The following ZNF169 variants were observed in gnomAD, a reference collection of about 807,000 sequenced individuals.
ZNF169 encodes zinc finger protein 169.
ZNF169 carries 11 observed loss-of-function variants against 12.0 expected under a neutral mutation model. The ratio of observed to expected loss-of-function variants is 0.92; its 90% CI spans 0.58 to 1.52. ZNF169 has a LOEUF of 1.52. ZNF169 is among the 40% of genes most tolerant of loss of function. The probability of loss-of-function intolerance (pLI) is 0.00; values close to 1 mark genes in which losing one functional copy is unlikely to be tolerated. For synonymous variants in ZNF169, 302 were observed against 286.5 expected, an observed-to-expected ratio of 1.05 and a Z score of -0.55; for missense variants, 722 against 744.0, an observed-to-expected ratio of 0.97 and a Z score of 0.34.
At chr9:94,277,992 A>G (rs1003242796) in intron 1 of ZNF169, among the ~76,000 whole-genome samples, 2 of 152,070 alleles carry the variant, frequency 1.3e-5, no homozygotes, top group African/African-American at 2.4e-5. Flanking sequence ...ACCATTAACA[A>G]TAATTCTCAT....
Position 94,301,054 on chromosome 9 carries a change from C to G in ZNF169, c.1496C>G (p.Ser499Trp). 1 of 1,613,720 alleles carries G rather than the reference C, an allele frequency of 6.2e-7. No homozygotes were observed. The highest frequency in any genetic ancestry group is 8.5e-7 in the Non-Finnish European group (1 of 1,179,922). The change falls in exon 5 of 5, where the codon TCG becomes TGG. Residue 499 changes from serine to tryptophan, a missense_variant. Physicochemically the swap from Ser to Trp is radical, Grantham distance 177. Transcript: ENST00000395395. ...PKCGRAFGFKSLLTRHQRTHS... is the reference protein window; with the variant it reads ...PKCGRAFGFKWLLTRHQRTHS... The stretch of plus-strand genomic sequence containing the variant: ...TGTGGGCGTGCATTTGGCTTTAAGT[C>G]GCTCCTCACCCGACACCAGAGGACA...
chr9:94,299,077 A>G (rs564893585), intron 4 of ZNF169, among the ~76,000 whole-genome samples: 2 of 152,314 alleles, frequency 1.3e-5, no homozygotes, highest in South Asian at 2.1e-4. Flanking sequence ...TGGATTATTG[A>G]GCAAAACAGT....
chr9:94,295,262 A>C (rs1242980373), intron 4 of ZNF169: 21 of 152,208 alleles, frequency 1.4e-4, no homozygotes, highest in Admixed American at 1.4e-3. Context: ...TGGGAGGCGA[A>C]GGTTGCAATG....
chr9:94,259,834 T>C (rs1830167072), intron 1 of ZNF169, among the ~76,000 whole-genome samples: 1 of 152,178 alleles, frequency 6.6e-6, no homozygotes, highest in Non-Finnish European at 1.5e-5. Context: ...ACTTCCCCAT[T>C]AGTGGGAGGC....
intron 1 of ZNF169, among the ~76,000 whole-genome samples, chr9:94,272,426 GA>G (rs1830439421): frequency 6.6e-6 from 1 of 151,930 alleles, no homozygotes; most frequent in Non-Finnish European, 1.5e-5. Flanking sequence ...TTTACCTATT[GA>G]ATAGCAGCTC....
At chr9:94,288,649 T>G in intron 2 of ZNF169, 2 of 372,990 alleles carry the variant, frequency 5.4e-6, no homozygotes, top group Non-Finnish European at 1.0e-5. Context: ...TCCTGAGTTC[T>G]CACGAGATCT....
intron 1 of ZNF169, among the ~76,000 whole-genome samples, chr9:94,273,944 A>G (rs548514276): frequency 1.3e-5 from 2 of 152,212 alleles, no homozygotes; most frequent in Non-Finnish European, 2.9e-5. Context: ...TAGGGCTGCC[A>G]TAACAAAGTA....
intron 1 of ZNF169, among the ~76,000 whole-genome samples, chr9:94,277,498 G>A (rs561902826): frequency 6.6e-6 from 1 of 152,128 alleles, no homozygotes; most frequent in Non-Finnish European, 1.5e-5. Context: ...AATACATTTT[G>A]ATTTTCTTCC....
At chr9:94,298,131 T>C (rs934660349) in intron 4 of ZNF169, among the ~76,000 whole-genome samples, 11 of 150,264 alleles carry the variant, frequency 7.3e-5, no homozygotes, top group African/African-American at 2.2e-4. Context: ...AGTGCCACTG[T>C]ACTCCAGCCT....
intron 2 of ZNF169, among the ~76,000 whole-genome samples, chr9:94,291,891 G>T (rs1013115031): frequency 2.6e-4 from 39 of 152,208 alleles, no homozygotes; most frequent in African/African-American, 8.9e-4. Context: ...AAAGATGTAA[G>T]TTCTCACCAA....
chr9:94,301,214 C>T lies in ZNF169; in HGVS notation c.1656C>T (p.Gly552=). ...CICDECGRGF[G]FKSALIRHQR... ...GCGATGAATGTGGGCGCGGCTTTGG[C>T]TTTAAGTCTGCCCTCATCCGACATC... The change falls in exon 5 of 5, where the codon GGC becomes GGT. Residue 552 remains glycine, a synonymous_variant. Transcript: ENST00000395395. The T allele has an allele frequency of 6.2e-7, 1 of 1,614,054 alleles. No individual in the cohort carries two copies. The highest frequency in any genetic ancestry group is 8.5e-7 in the Non-Finnish European group (1 of 1,180,026).
Position 94,301,329 on chromosome 9 carries a change from A to C in ZNF169, c.1771A>C (p.Thr591Pro). ...QKSHLHRHRR[T>P]KSGHQLLPQE... ...GTCTCACTTGCATAGACACAGGAGG[A>C]CCAAGTCTGGTCATCAGCTCCTACC... Residue 591 changes from threonine (T) to proline (P), a missense_variant, in exon 5 of 5, where the codon ACC becomes CCC. Transcript: ENST00000395395. The C allele has an allele frequency of 3.1e-6, 5 of 1,614,078 alleles. No homozygotes were observed. Among genetic ancestry groups the C allele is most frequent in the Non-Finnish European group, 4.2e-6 (5 of 1,179,970 alleles).
chr9:94,273,078 T>G (rs1483899950), intron 1 of ZNF169, among the ~76,000 whole-genome samples: 1 of 152,194 alleles, frequency 6.6e-6, no homozygotes, highest in Non-Finnish European at 1.5e-5. Context: ...GAGTTTTTTG[T>G]TACTGAGTTG....
At chr9:94,284,415 A>T (rs2118614182) in intron 2 of ZNF169, among the ~76,000 whole-genome samples, 1 of 152,284 alleles carries the variant, frequency 6.6e-6, no homozygotes, top group Non-Finnish European at 1.5e-5. Flanking sequence ...ACAGAGTGAG[A>T]CTCCATCTCA....
In ZNF169 at chr9:94,300,183, T is replaced by G; in HGVS notation, c.625T>G (p.Ser209Ala). 1 of 1,614,090 alleles carries G rather than the reference T, an allele frequency of 6.2e-7. No individual in the cohort carries two copies. The highest frequency in any genetic ancestry group is 1.3e-5 in the African/African-American group (1 of 75,020). The change falls in exon 5 of 5, where the codon TCT (serine) becomes GCT (alanine). Residue 209 changes from serine to alanine, a missense_variant. Transcript: ENST00000395395. Reference sequence around the variant, plus strand: ...GTTGAAGGGAGCAGACACTTCAGAATCTGGAGCAGTCATACGTGGAAACTA... The same window carrying G: ...GTTGAAGGGAGCAGACACTTCAGAAGCTGGAGCAGTCATACGTGGAAACTA... ...TMLKGADTSE[S>A]GAVIRGNYRL...
intron 4 of ZNF169, chr9:94,295,859 A>C (rs544742553): frequency 1.3e-5 from 2 of 152,338 alleles, no homozygotes; most frequent in Admixed American, 1.3e-4. Flanking sequence ...TTTTGTGTGA[A>C]TATAATGCTT....
In ZNF169 at chr9:94,301,443, GAAAA is replaced by G; in HGVS notation, c.*81_*84del. On this transcript the variant is annotated 3_prime_UTR_variant, in exon 5 of 5. Transcript: ENST00000395395. Reference sequence around the variant, plus strand: ...TGCTTCAGTTTCCTGAAATGGAATGGAAAAAAAAAAATGTTGCTTTCTTTCATCG... The same window carrying G: ...TGCTTCAGTTTCCTGAAATGGAATGGAAAAAAATGTTGCTTTCTTTCATCG... 1 of 1,159,818 alleles carries G rather than the reference GAAAA, an allele frequency of 8.6e-7. No homozygotes were observed. The allele number at this position is 1,159,818 out of a possible 1,614,324, so 71.8% of individuals were successfully genotyped here.
intron 2 of ZNF169, among the ~76,000 whole-genome samples, chr9:94,286,363 A>G (rs181730486): frequency 2.0e-5 from 3 of 152,204 alleles, no homozygotes; most frequent in Admixed American, 2.0e-4. Context: ...GCGTATAACT[A>G]TATGATGAGG....
At chr9:94,277,704 G>A (rs566759650) in intron 1 of ZNF169, among the ~76,000 whole-genome samples, 4 of 152,088 alleles carry the variant, frequency 2.6e-5, no homozygotes, top group Admixed American at 1.3e-4. Flanking sequence ...GGCCGAGGCG[G>A]GCGGATCACG....
Sources: allele counts gnomAD v4.1 joint callset (sites outside exome capture counted in the v4.1 genomes callset), GRCh38; gene constraint gnomAD v4.1.1; transcripts MANE v1.5; gene names NCBI Gene and HGNC (gene_info 2026-07-23, HGNC 2026-07-21).